Variants in APBB2 observed in about 807,000 individuals in gnomAD.
APBB2 encodes Fe65-like 1.
Under a neutral mutation model 82.5 loss-of-function variants are expected in APBB2, and 38 were observed. The ratio of observed to expected loss-of-function variants is 0.46; its 90% CI spans 0.36 to 0.60. The LOEUF is 0.60. APBB2 is among the 20% of genes least tolerant of loss of function. The probability of loss-of-function intolerance (pLI) is 0.00; values close to 1 mark genes in which losing one functional copy is unlikely to be tolerated. For missense variants in APBB2, 772 were observed against 972.3 expected, an observed-to-expected ratio of 0.79 and a Z score of 2.74; for synonymous variants, 341 against 368.2, an observed-to-expected ratio of 0.93 and a Z score of 0.85.
rs1056238328 is a variant in APBB2, at chr4:40,815,805, C to CTG, written c.*285_*286dup. The CTG allele has an allele frequency of 1.5e-5, 5 of 323,150 alleles. No individual in the cohort carries two copies. Among genetic ancestry groups the CTG allele is most frequent in the South Asian group, 1.1e-4 (2 of 17,408 alleles). 20.0% of individuals were successfully genotyped at this position (323,150 alleles called of 1,614,324 possible). Reference sequence around the variant, plus strand: ...AGGAGGGGTGGGGCCACACTCTTCTCTGTGTGTGTGTGAAGTTAAGTAATG... The same window carrying CTG: ...AGGAGGGGTGGGGCCACACTCTTCTCTGTGTGTGTGTGTGAAGTTAAGTAATG... On this transcript the variant is annotated 3_prime_UTR_variant, in exon 18 of 18. Transcript: ENST00000508593.
chr4:41,103,985 A>G lies in APBB2; in HGVS notation c.-260-3235T>C, dbSNP rs189188475. Reference sequence around the variant, plus strand: ...ATAATTTGCTTTTACAGGCTAATACAGTCATGGATTTAGTAAAATCCAGTT... The same window carrying G: ...ATAATTTGCTTTTACAGGCTAATACGGTCATGGATTTAGTAAAATCCAGTT... On this transcript the variant is annotated intron_variant, in intron 2 of 17. Transcript: ENST00000508593. Among the ~76,000 whole-genome samples, 1,129 of 152,356 alleles carry G rather than the reference A, an allele frequency of 7.4e-3. 18 individuals are homozygous for G. The highest frequency in any genetic ancestry group is 0.026 in the African/African-American group (1,083 of 41,588).
rs944902422 is a variant in APBB2 at position 40,813,417 on chromosome 4, A to G, written c.*2675T>C. ...AATCACAGATCTAAAGAATGCATAG[A>G]TAACTGAAGTGTCACTAAGATATCA... On this transcript the variant is annotated 3_prime_UTR_variant, in exon 18 of 18. Coordinates refer to ENST00000508593, the MANE Select transcript of APBB2 (RefSeq NM_004307.2). 1 of 152,234 alleles carries G rather than the reference A, an allele frequency of 6.6e-6. No individual in the cohort carries two copies. Among genetic ancestry groups the G allele is most frequent in the Admixed American group, 6.5e-5 (1 of 15,282 alleles). The allele number at this position is 152,234 out of a possible 1,614,324, so 9.4% of individuals were successfully genotyped here. A position where few individuals can be genotyped will look rare whatever the true frequency, so the allele number is the denominator to read the frequency against.
chr4:40,945,288 G>T (rs1788073412), intron 6 of APBB2, among the ~76,000 whole-genome samples: 1 of 152,124 alleles, frequency 6.6e-6, no homozygotes, highest in Non-Finnish European at 1.5e-5. Context: ...TGGAAAGGAA[G>T]GCTAACACCT....
intron 10 of APBB2, among the ~76,000 whole-genome samples, chr4:40,914,245 C>T (rs994791347): frequency 1.3e-5 from 2 of 152,052 alleles, no homozygotes; most frequent in African/African-American, 2.4e-5. Context: ...TGGTGGCAGG[C>T]GCCTATAGTC....
rs189116862 is a variant in APBB2 at position 40,987,091 on chromosome 4, T to C, written c.835+26492A>G. Among the ~76,000 whole-genome samples the C allele has an allele frequency of 2.8e-3, 434 of 152,336 alleles. 3 individuals are homozygous for C. Among genetic ancestry groups the C allele is most frequent in the African/African-American group, 0.01 (420 of 41,586 alleles). ...CAGTATAGGAGGAAAATTAAATTAG[T>C]GTCTCTTAAGAAATTACTATTATCC... On this transcript the variant is annotated intron_variant, in intron 6 of 17. Transcript: ENST00000508593.
chr4:40,994,976 C>A (rs1803234322), intron 6 of APBB2, among the ~76,000 whole-genome samples: 1 of 151,744 alleles, frequency 6.6e-6, no homozygotes, highest in Admixed American at 6.6e-5. Context: ...AAAAAGCAAT[C>A]ATTCCCTTTT....
chr4:41,027,564 C>A (rs932318838), intron 5 of APBB2, among the ~76,000 whole-genome samples: 3 of 151,854 alleles, frequency 2.0e-5, no homozygotes, highest in Non-Finnish European at 2.9e-5. Context: ...TGGTATTTCA[C>A]TGGGGCTATG....
chr4:40,991,384 C>A (rs1008756865), intron 6 of APBB2, among the ~76,000 whole-genome samples: 1 of 151,700 alleles, frequency 6.6e-6, no homozygotes, highest in Non-Finnish European at 1.5e-5. Flanking sequence ...CTGGAAAATG[C>A]CTTGCATTTA....
intron 1 of APBB2, among the ~76,000 whole-genome samples, chr4:41,175,280 C>G (rs750425461): frequency 6.6e-6 from 1 of 152,094 alleles, no homozygotes; most frequent in Non-Finnish European, 1.5e-5. Flanking sequence ...TAAAAATTAA[C>G]AAGAGTAACA....
intron 3 of APBB2, among the ~76,000 whole-genome samples, chr4:41,070,505 T>C (rs888251889): frequency 2.0e-5 from 3 of 152,148 alleles, no homozygotes; most frequent in South Asian, 2.1e-4. Context: ...TTTTACCACA[T>C]TGGCCAGGTT....
intron 3 of APBB2, among the ~76,000 whole-genome samples, chr4:41,093,037 A>G (rs1742314355): frequency 6.6e-6 from 1 of 152,150 alleles, no homozygotes; most frequent in African/African-American, 2.4e-5. Context: ...CCTCTTTTCC[A>G]GTAACATCAG....
chr4:40,827,278 T>C, intron 13 of APBB2, 59 bp from the exon 14 acceptor site: 1 of 1,468,670 alleles, frequency 6.8e-7, no homozygotes, highest in South Asian at 1.1e-5. Flanking sequence ...TCTTCAGCTA[T>C]TCCAGCCTGT....
At chr4:40,864,622 A>G (rs1689102696) in intron 12 of APBB2, among the ~76,000 whole-genome samples, 1 of 152,204 alleles carries the variant, frequency 6.6e-6, no homozygotes, top group Non-Finnish European at 1.5e-5. Context: ...GGCAGGCAGC[A>G]TAGCTCATTT....
At chr4:40,870,886 C>G (rs1238963177) in intron 12 of APBB2, among the ~76,000 whole-genome samples, 5 of 151,962 alleles carry the variant, frequency 3.3e-5, no homozygotes, top group Non-Finnish European at 4.4e-5. Context: ...GTGCATGACA[C>G]CACACCCAGC....
intron 4 of APBB2, among the ~76,000 whole-genome samples, chr4:41,051,991 G>A (rs1421563104): frequency 1.3e-5 from 2 of 152,190 alleles, no homozygotes; most frequent in Non-Finnish European, 2.9e-5. Context: ...ACTCAGAATG[G>A]TGATGGCACA....
At chr4:40,829,577 G>A (rs964081006) in intron 13 of APBB2, among the ~76,000 whole-genome samples, 1 of 152,170 alleles carries the variant, frequency 6.6e-6, no homozygotes, top group Non-Finnish European at 1.5e-5. Context: ...CCAAGAGGAA[G>A]ATTTCGGGTC....
chr4:40,921,442 G>A (rs891071695), intron 10 of APBB2, among the ~76,000 whole-genome samples: 4 of 152,196 alleles, frequency 2.6e-5, no homozygotes, highest in African/African-American at 7.2e-5. Context: ...CATGCAGAGC[G>A]ACCAGCACAC....
intron 5 of APBB2, among the ~76,000 whole-genome samples, chr4:41,028,492 C>T (rs188675193): frequency 4.6e-5 from 7 of 152,284 alleles, no homozygotes; most frequent in African/African-American, 1.7e-4. Flanking sequence ...CAAGGGGTCA[C>T]CATGAGGAGA....
At chr4:41,162,251 T>C (rs1490366196) in intron 1 of APBB2, among the ~76,000 whole-genome samples, 3 of 151,412 alleles carry the variant, frequency 2.0e-5, no homozygotes, top group Non-Finnish European at 4.4e-5. Flanking sequence ...ACATAGATTG[T>C]GTATTGAATC....
Sources: gnomAD v4.1 joint callset for allele counts (sites outside exome capture counted in the v4.1 genomes callset) on GRCh38, gnomAD v4.1.1 for gene constraint, MANE v1.5 for transcripts, NCBI Gene and HGNC (gene_info 2026-07-23, HGNC 2026-07-21) for gene names.